The following TMEM143 variants were observed in gnomAD, a reference collection of about 807,000 sequenced individuals.
The protein encoded by TMEM143 is transmembrane protein 143.
Under a neutral mutation model 40.3 loss-of-function variants are expected in TMEM143, and 45 were observed. That is an observed-to-expected ratio of 1.12 (90% confidence interval 0.88 to 1.43). The LOEUF (loss-of-function observed/expected upper bound fraction) is 1.43. Among genes scored for constraint, TMEM143 ranks in the 40% most tolerant of loss-of-function variants. The pLI is 0.00. For missense variants in TMEM143, 620 were observed against 613.4 expected, an observed-to-expected ratio of 1.01 and a Z score of -0.11; for synonymous variants, 299 against 282.7, an observed-to-expected ratio of 1.06 and a Z score of -0.58.
At chr19:48,335,562 A>G (rs1969349984) in intron 6 of TMEM143, among the ~76,000 whole-genome samples, 1 of 152,158 alleles carries the variant, frequency 6.6e-6, no homozygotes. Context: ...CGTCTCTACT[A>G]AAAATACAAA....
chr19:48,351,308 G>C (rs1969768837), intron 3 of TMEM143, among the ~76,000 whole-genome samples: 1 of 152,084 alleles, frequency 6.6e-6, no homozygotes, highest in Admixed American at 6.6e-5. Context: ...CAACCCATTG[G>C]CAAATCGTGA....
chr19:48,351,132 C>G (rs1160270866), intron 3 of TMEM143, among the ~76,000 whole-genome samples: 1 of 151,936 alleles, frequency 6.6e-6, no homozygotes, highest in African/African-American at 2.4e-5. Context: ...TACAGATGCC[C>G]CATGGGCCTC....
intron 2 of TMEM143, among the ~76,000 whole-genome samples, chr19:48,362,290 A>T (rs1040593961): frequency 6.6e-6 from 1 of 152,200 alleles, no homozygotes; most frequent in African/African-American, 2.4e-5. Context: ...CTGTAATCTC[A>T]GCACTTTGGG....
At chr19:48,342,395 GGGAAGGAA>G (rs200209362) in intron 6 of TMEM143, 127 bp downstream of exon 6, 1 of 899,234 alleles carries the variant, frequency 1.1e-6, no homozygotes, top group Non-Finnish European at 1.5e-6. Context: ...GAGGAAGAAT[GGGAAGGAA>G]GGAAGGGAGG....
intron 3 of TMEM143, among the ~76,000 whole-genome samples, chr19:48,353,328 A>C (rs1799269): frequency 0.98 from 148,041 of 151,520 alleles, 72,341 homozygotes; most frequent in Middle Eastern, 1. Context: ...TACAGGCGCC[A>C]GCCACCATGC....
At chr19:48,350,722 GA>G (rs1393190242) in intron 3 of TMEM143, among the ~76,000 whole-genome samples, 1 of 151,956 alleles carries the variant, frequency 6.6e-6, no homozygotes, top group Non-Finnish European at 1.5e-5. Context: ...AAGAGTTCGA[GA>G]CCAGCCTGGC....
At chr19:48,361,537 T>TC (rs948145987) in intron 2 of TMEM143, among the ~76,000 whole-genome samples, 14 of 147,450 alleles carry the variant, frequency 9.5e-5, no homozygotes, top group South Asian at 2.2e-4. Flanking sequence ...TTCTTCTTCT[T>TC]TTTTTTTTTT....
In TMEM143 at chr19:48,343,202, C is replaced by G. The variant is rs924920463; in HGVS notation, c.695+119G>C. On this transcript the variant is annotated intron_variant, in intron 5 of 7. Coordinates refer to ENST00000293261, the MANE Select transcript of TMEM143 (RefSeq NM_018273.4). ...ACAGCATTTGGATGAGTCACGCCTC[C>G]CATTTCTCAACTTCCCGCCTGGGGC... 5.3e-6 allele frequency: 7 copies of G among 1,313,266 alleles called. No individual in the cohort carries two copies. In the African/African-American group the frequency reaches 1.0e-4, roughly 20 times the overall value. The allele number at this position is 1,313,266 out of a possible 1,614,324, so 81.4% of individuals were successfully genotyped here.
chr19:48,349,424 GC>G (rs1328598788), intron 3 of TMEM143, among the ~76,000 whole-genome samples: 1 of 152,170 alleles, frequency 6.6e-6, no homozygotes. Flanking sequence ...AGGAAGGACT[GC>G]TTAAGGCCAG....
intron 3 of TMEM143, among the ~76,000 whole-genome samples, chr19:48,352,365 G>T (rs1313717544): frequency 6.6e-6 from 1 of 150,854 alleles, no homozygotes; most frequent in East Asian, 2.0e-4. Flanking sequence ...ATGCAGTGCT[G>T]CAATCATGAC....
intron 3 of TMEM143, among the ~76,000 whole-genome samples, chr19:48,351,686 A>T (rs1440307150): frequency 6.6e-6 from 1 of 151,830 alleles, no homozygotes; most frequent in Non-Finnish European, 1.5e-5. Context: ...CTGCTGCCCC[A>T]GGGCCTTTGC....
chr19:48,344,359 G>A (rs1288862548), intron 4 of TMEM143, among the ~76,000 whole-genome samples: 1 of 151,596 alleles, frequency 6.6e-6, no homozygotes, highest in Admixed American at 6.6e-5. Context: ...ATGGCTGACA[G>A]CTCACTGCAG....
chr19:48,337,956 A>G (rs1203857662), intron 6 of TMEM143, among the ~76,000 whole-genome samples: 1 of 152,190 alleles, frequency 6.6e-6, no homozygotes, highest in Non-Finnish European at 1.5e-5. Flanking sequence ...TTAAAGGAGC[A>G]GGTCACTCTG....
rs1237609736 is a variant in TMEM143, at chr19:48,333,659, G to A, written c.1166-226C>T. Among the ~76,000 whole-genome samples the A allele has an allele frequency of 6.6e-6, 1 of 152,142 alleles. No homozygotes were observed. Among genetic ancestry groups the A allele is most frequent in the Non-Finnish European group, 1.5e-5 (1 of 68,006 alleles). On this transcript the variant is annotated intron_variant, in intron 7 of 7. Coordinates refer to ENST00000293261, the MANE Select transcript of TMEM143 (RefSeq NM_018273.4). This position sits in a 1 kb window ranked among gnomAD's most constrained non-coding sequence, Gnocchi z 4.1. ...TCTGGGGACCAGTCAGGGGCTCTTG[G>A]GCAGGGAAGGTGGGGGCTCCTGTAG...
Position 48,333,897 on chromosome 19 carries a change from G to T in TMEM143, c.1165+111C>A. On this transcript the variant is annotated intron_variant, in intron 7 of 7. Coordinates refer to ENST00000293261, the MANE Select transcript of TMEM143 (RefSeq NM_018273.4). This position sits in a 1 kb window ranked among gnomAD's most constrained non-coding sequence, Gnocchi z 4.1. ...GTCTGCTGAGGGCCGGGGTCTCTTC[G>T]CAAACCCGTCAGGTTCACCCGTGGG... is the stretch of plus-strand genomic sequence containing the variant. 8.0e-7 allele frequency: 1 copy of T among 1,245,100 alleles called. No individual in the cohort carries two copies. Among genetic ancestry groups the T allele is most frequent in the South Asian group, 1.6e-5 (1 of 63,938 alleles). The allele number at this position is 1,245,100 out of a possible 1,614,324, so 77.1% of individuals were successfully genotyped here.
rs774181117 is a variant in TMEM143 at position 48,363,368 on chromosome 19, G to C, written c.187C>G (p.Pro63Ala). ...EYRKMWNPREPRDWAQQYRER... is the reference protein window; with the variant it reads ...EYRKMWNPREARDWAQQYRER... ...CGGTACTGCTGGGCCCAGTCGCGGG[G>C]CTCCCTGGGGTTCCACATCTTGCGA... is the stretch of plus-strand genomic sequence containing the variant. Residue 63 changes from proline (P) to alanine (A), a missense_variant, in exon 2 of 8, where the codon CCC (proline) becomes GCC (alanine). Physicochemically the swap from Pro to Ala is conservative, Grantham distance 27. Transcript: ENST00000293261. 6.8e-6 allele frequency: 11 copies of C among 1,614,072 alleles called. No homozygotes were observed. Among genetic ancestry groups the C allele is most frequent in the African/African-American group, 2.7e-5 (2 of 74,928 alleles).
At chr19:48,344,521 T>G (rs953221383) in intron 4 of TMEM143, among the ~76,000 whole-genome samples, 1 of 152,096 alleles carries the variant, frequency 6.6e-6, no homozygotes, top group East Asian at 1.9e-4. Context: ...ACTCCTGGGC[T>G]CGAGCGATCC....
chr19:48,355,673 G>A (rs926423716), intron 3 of TMEM143, among the ~76,000 whole-genome samples: 1 of 152,198 alleles, frequency 6.6e-6, no homozygotes, highest in Non-Finnish European at 1.5e-5. Flanking sequence ...TGTGGCGAGG[G>A]GTGAATGCAG....
At chr19:48,359,932 G>A (rs753100410) in intron 3 of TMEM143, 140 bp downstream of exon 3, 12 of 738,698 alleles carry the variant, frequency 1.6e-5, no homozygotes, top group Admixed American at 1.2e-4. Flanking sequence ...CCATGAGGGC[G>A]TCACTTCACC....
Sources: allele counts gnomAD v4.1 joint callset (sites outside exome capture counted in the v4.1 genomes callset), GRCh38; gene constraint gnomAD v4.1.1; non-coding constraint Gnocchi (gnomAD v3.1); transcripts MANE v1.5; gene names NCBI Gene and HGNC (gene_info 2026-07-23, HGNC 2026-07-21).